The following NEDD4L variants were observed in gnomAD, a reference collection of about 807,000 sequenced individuals.
NEDD4L encodes the protein NEDD4 like E3 ubiquitin protein ligase, also known as E3 ubiquitin-protein ligase NEDD4-like.
Under a neutral mutation model 148.9 loss-of-function variants are expected in NEDD4L, and 54 were observed. The ratio of observed to expected loss-of-function variants is 0.36; its 90% CI spans 0.29 to 0.45. The LOEUF is 0.45. NEDD4L is among the 20% of genes least tolerant of loss of function. The pLI is 1.00. For synonymous variants in NEDD4L, 433 were observed against 440.7 expected (o/e 0.98, Z 0.22); for missense variants, 856 against 1,233.8 (o/e 0.69, Z 4.59).
At chr18:58,046,210 A>T (rs2081576144) in intron 1 of NEDD4L, among the ~76,000 whole-genome samples, 1 of 152,112 alleles carries the variant, frequency 6.6e-6, no homozygotes, top group Non-Finnish European at 1.5e-5. Context: ...TTGTGTAACT[A>T]CCTGGGGATA....
At chr18:58,364,823 T>C (rs1315788900) in intron 20 of NEDD4L, among the ~76,000 whole-genome samples, 3 of 152,232 alleles carry the variant, frequency 2.0e-5, no homozygotes, top group Admixed American at 6.5e-5. Context: ...TTTCTACTTA[T>C]AATTATCCCT....
intron 16 of NEDD4L, among the ~76,000 whole-genome samples, chr18:58,344,063 A>G (rs769585332): frequency 5.9e-5 from 9 of 152,220 alleles, no homozygotes; most frequent in Non-Finnish European, 1.2e-4. Flanking sequence ...TGTTATGGGA[A>G]TGCTGGTTGA....
intron 2 of NEDD4L, among the ~76,000 whole-genome samples, chr18:58,179,792 C>T (rs944842053): frequency 2.6e-5 from 4 of 152,008 alleles, no homozygotes; most frequent in African/African-American, 2.4e-5. Context: ...GGGGCTCCTA[C>T]TGATTCTATA....
intron 1 of NEDD4L, among the ~76,000 whole-genome samples, chr18:58,118,988 C>T (rs950535397): frequency 6.6e-6 from 1 of 152,028 alleles, no homozygotes; most frequent in Admixed American, 6.6e-5. Context: ...TACCCAGGCC[C>T]GGGGTCATCC....
At chr18:58,184,176 A>T (rs1362659639) in intron 2 of NEDD4L, among the ~76,000 whole-genome samples, 4 of 152,096 alleles carry the variant, frequency 2.6e-5, no homozygotes, top group Admixed American at 2.6e-4. Context: ...TTAAGGATGT[A>T]ATCTGTTGGT....
chr18:58,194,820 GA>G (rs1411377089), intron 2 of NEDD4L, among the ~76,000 whole-genome samples: 1 of 152,220 alleles, frequency 6.6e-6, no homozygotes, highest in Non-Finnish European at 1.5e-5. Flanking sequence ...AATACTTTTA[GA>G]GCCACGGGGA....
chr18:58,224,009 G>A (rs2044066953), intron 2 of NEDD4L, among the ~76,000 whole-genome samples: 1 of 152,214 alleles, frequency 6.6e-6, no homozygotes, highest in Non-Finnish European at 1.5e-5. Flanking sequence ...CTCCCACAGG[G>A]GCCACAGGGA....
chr18:58,387,561 C>T (rs965039094), intron 27 of NEDD4L, 63 bp downstream of exon 27: 3 of 1,374,830 alleles, frequency 2.2e-6, no homozygotes, highest in Admixed American at 2.8e-5. Context: ...CATTACTTTA[C>T]AAGTAATATT....
At chr18:58,097,010 G>C (rs2084453518) in intron 1 of NEDD4L, among the ~76,000 whole-genome samples, 1 of 152,094 alleles carries the variant, frequency 6.6e-6, no homozygotes, top group Non-Finnish European at 1.5e-5. Context: ...CTGATCTTCA[G>C]AACTTTGTAT....
chr18:58,312,170 A>C (rs2057776025), intron 5 of NEDD4L, among the ~76,000 whole-genome samples: 1 of 152,238 alleles, frequency 6.6e-6, no homozygotes, highest in Non-Finnish European at 1.5e-5. Flanking sequence ...GTCATTTCAC[A>C]GGAAAAATAT....
intron 21 of NEDD4L, chr18:58,367,338 TGGC>T: frequency 5.9e-6 from 1 of 168,524 alleles, no homozygotes; most frequent in Non-Finnish European, 1.3e-5. Context: ...AAACATCTTA[TGGC>T]CAAGCCAAAA....
At chr18:58,133,333 A>T (rs929292717) in intron 1 of NEDD4L, among the ~76,000 whole-genome samples, 11 of 152,202 alleles carry the variant, frequency 7.2e-5, no homozygotes, top group African/African-American at 2.2e-4. Flanking sequence ...CCCAGGGTTT[A>T]TACAGGGCTC....
At chr18:58,129,560 T>C (rs2031710429) in intron 1 of NEDD4L, among the ~76,000 whole-genome samples, 1 of 152,220 alleles carries the variant, frequency 6.6e-6, no homozygotes, top group African/African-American at 2.4e-5. Flanking sequence ...TTCAGAACTC[T>C]TGCTGGTGGT....
At chr18:58,070,328 A>G (rs2144876215) in intron 1 of NEDD4L, among the ~76,000 whole-genome samples, 1 of 152,002 alleles carries the variant, frequency 6.6e-6, no homozygotes, top group African/African-American at 2.4e-5. Context: ...GCAGTGGTGT[A>G]ATCGTGACTC....
intron 2 of NEDD4L, among the ~76,000 whole-genome samples, chr18:58,184,487 T>G (rs142962130): frequency 6.6e-6 from 1 of 152,042 alleles, no homozygotes; most frequent in Non-Finnish European, 1.5e-5. Flanking sequence ...AGGTAGGGAT[T>G]ATTATCCTAC....
intron 1 of NEDD4L, among the ~76,000 whole-genome samples, chr18:58,118,893 C>G (rs1307087853): frequency 1.3e-5 from 2 of 152,126 alleles, no homozygotes; most frequent in Admixed American, 6.6e-5. Context: ...CTTCAGCCCC[C>G]CAAGCGGAAC....
chr18:58,173,551 C>T (rs1230413397), intron 2 of NEDD4L, among the ~76,000 whole-genome samples: 1 of 152,166 alleles, frequency 6.6e-6, no homozygotes. Flanking sequence ...GGGGTCCTAA[C>T]TCTGTGTGAG....
chr18:58,341,197 C>A (rs2042373876), intron 14 of NEDD4L, 28 bp downstream of exon 14: 3 of 1,608,906 alleles, frequency 1.9e-6, no homozygotes, highest in Non-Finnish European at 2.5e-6. Context: ...CAACTTAAAA[C>A]CGCAGGCCAT....
Position 58,401,002 on chromosome 18 carries a change from G to T in NEDD4L, c.*4733G>T, listed in dbSNP as rs1177083148. The T allele has an allele frequency of 6.6e-6, 1 of 152,058 alleles. No individual in the cohort carries two copies. Among genetic ancestry groups the T allele is most frequent in the Admixed American group, 6.5e-5 (1 of 15,268 alleles). 9.4% of individuals were successfully genotyped at this position (152,058 alleles called of 1,614,324 possible). Reference sequence around the variant, plus strand: ...AATCTGGTTTCGAAAGGAGGTGAGAGTTTAGTCCCTTCTGCAGTTTTCTCC... The same window carrying T: ...AATCTGGTTTCGAAAGGAGGTGAGATTTTAGTCCCTTCTGCAGTTTTCTCC... On this transcript the variant is annotated 3_prime_UTR_variant, in exon 31 of 31. Transcript: ENST00000400345.
Sources: allele counts gnomAD v4.1 joint callset (sites outside exome capture counted in the v4.1 genomes callset), GRCh38; gene constraint gnomAD v4.1.1; transcripts MANE v1.5; gene names NCBI Gene and HGNC (gene_info 2026-07-23, HGNC 2026-07-21).